Variants in SEMA4D observed in about 807,000 individuals in gnomAD.
SEMA4D encodes semaphorin 4D.
In SEMA4D, 22 loss-of-function variants were observed where a neutral mutation model predicts 74.8. That is an observed-to-expected ratio of 0.29 (90% confidence interval 0.21 to 0.42). SEMA4D has a LOEUF of 0.42. Ranked by LOEUF, SEMA4D falls within the 10% of genes least tolerant of loss-of-function variation. The pLI, the probability that SEMA4D is intolerant of heterozygous loss-of-function variation, is 1.00. For missense variants in SEMA4D, 937 were observed against 1,118.4 expected, an observed-to-expected ratio of 0.84 and a Z score of 2.31; for synonymous variants, 445 against 463.7, an observed-to-expected ratio of 0.96 and a Z score of 0.52.
chr9:89,385,866 G>GGGGGGGGGGGCGCCCC, intron 13 of SEMA4D: 1 of 196,226 alleles, frequency 5.1e-6, no homozygotes, highest in Non-Finnish European at 9.0e-6. Flanking sequence ...CAGCGTGGAT[G>GGGGGGGGGGGCGCCCC]CCCGCCCACC....
chr9:89,487,036 TTGATACCAATATAAAATACAG>T (rs1166310722), intron 1 of SEMA4D, among the ~76,000 whole-genome samples: 1 of 152,010 alleles, frequency 6.6e-6, no homozygotes, highest in African/African-American at 2.4e-5. Flanking sequence ...AAACTTTACT[TTGATACCAATATAAAATACAG>T]TACCAGAAAA....
chr9:89,438,009 A>G (rs1850833798), intron 2 of SEMA4D, among the ~76,000 whole-genome samples: 1 of 152,224 alleles, frequency 6.6e-6, no homozygotes, highest in South Asian at 2.1e-4. Context: ...CTACAGGGGT[A>G]GGGATAGAAG....
At chr9:89,474,180 A>G (rs1588141899) in intron 1 of SEMA4D, among the ~76,000 whole-genome samples, 1 of 152,174 alleles carries the variant, frequency 6.6e-6, no homozygotes, top group African/African-American at 2.4e-5. Context: ...ACCTCCCTCC[A>G]AAGATGTCCA....
chr9:89,443,866 G>A (rs1036549628), intron 2 of SEMA4D, among the ~76,000 whole-genome samples: 1 of 152,338 alleles, frequency 6.6e-6, no homozygotes, highest in East Asian at 1.9e-4. Flanking sequence ...TGGAGACTGC[G>A]AGGTGCCAGC....
chr9:89,465,470 G>A (rs914630649), intron 1 of SEMA4D, among the ~76,000 whole-genome samples: 3 of 152,242 alleles, frequency 2.0e-5, no homozygotes, highest in African/African-American at 7.2e-5. Context: ...CTGGGGGAAT[G>A]GGGATGGATT....
intron 1 of SEMA4D, among the ~76,000 whole-genome samples, chr9:89,461,045 C>T (rs1338415817): frequency 6.6e-6 from 1 of 152,200 alleles, no homozygotes; most frequent in Non-Finnish European, 1.5e-5. Context: ...TCAGCACACT[C>T]ATGAAGCCCC....
intron 1 of SEMA4D, among the ~76,000 whole-genome samples, chr9:89,488,316 T>C (rs566992197): frequency 2.0e-5 from 3 of 150,310 alleles, no homozygotes; most frequent in African/African-American, 7.2e-5. Flanking sequence ...TCCTTAGCTC[T>C]TTCCATTAAA....
intron 2 of SEMA4D, among the ~76,000 whole-genome samples, chr9:89,454,729 C>T (rs973928081): frequency 1.3e-5 from 2 of 152,192 alleles, no homozygotes; most frequent in Admixed American, 6.5e-5. Flanking sequence ...CAGGGTGAGT[C>T]CCCCAGAGCC....
intron 16 of SEMA4D, chr9:89,369,200 C>T (rs767301069): frequency 4.6e-5 from 7 of 152,246 alleles, no homozygotes; most frequent in Non-Finnish European, 1.0e-4. Context: ...GGAACACACA[C>T]ATGCGTGCCA....
chr9:89,385,695 G>T, intron 13 of SEMA4D: 1 of 500,258 alleles, frequency 2.0e-6, no homozygotes, highest in Non-Finnish European at 2.6e-6. Flanking sequence ...TTGCAAATAC[G>T]CACCTGCCAA....
In SEMA4D at chr9:89,386,395, A is replaced by G; in HGVS notation, c.1418T>C (p.Val473Ala). 6.2e-7 allele frequency: 1 copy of G among 1,613,918 alleles called. No homozygotes were observed. Among genetic ancestry groups the G allele is most frequent in the Non-Finnish European group, 8.5e-7 (1 of 1,179,848 alleles). ...CTTTGAAGACAGCAGCAGGGTCTGG[A>G]CTGGCTCAAAGTCCTGGAAGAGCTG... The part of the protein sequence containing the change: ...ETQLFQDFEP[V>A]QTLLLSSKKG... The change falls in exon 13 of 16, where the codon GTC becomes GCC. Residue 473 changes from valine (V) to alanine (A), a missense_variant. Physicochemically the swap from Val to Ala is moderately conservative, Grantham distance 64. Transcript: ENST00000422704.
chr9:89,420,306 T>C (rs181832226), intron 2 of SEMA4D, among the ~76,000 whole-genome samples: 9 of 152,370 alleles, frequency 5.9e-5, no homozygotes, highest in African/African-American at 2.2e-4. Flanking sequence ...AACCCCACAG[T>C]TATGAGTTAC....
intron 1 of SEMA4D, among the ~76,000 whole-genome samples, chr9:89,480,355 C>T (rs1210234722): frequency 6.6e-6 from 1 of 152,266 alleles, no homozygotes; most frequent in South Asian, 2.1e-4. Context: ...GCTGGTTTCA[C>T]CTAGTGGATC....
chr9:89,480,372 C>T (rs1426373701), intron 1 of SEMA4D, among the ~76,000 whole-genome samples: 9 of 152,258 alleles, frequency 5.9e-5, no homozygotes, highest in East Asian at 1.9e-4. Flanking sequence ...GATCCCGCAC[C>T]GGGGCTGCAG....
In SEMA4D at chr9:89,379,489, C is replaced by G; in HGVS notation, c.1804G>C (p.Gly602Arg). Residue 602 changes from glycine (G) to arginine (R), a missense_variant, in exon 16 of 16, where the codon GGT becomes CGT. By Grantham distance (125) the Gly-to-Arg change is moderately radical. Transcript: ENST00000422704. The stretch of plus-strand genomic sequence containing the variant: ...AGCAAGTTTTTTCTGCCCATAAGAC[C>G]GTACTTGGGGCTCTCGGCCTTCAAC... ...GVLKAESPKY[G>R]LMGRKNLLIF... is the part of the protein sequence containing the mutation. 1 of 1,614,150 alleles carries G rather than the reference C, an allele frequency of 6.2e-7. No individual in the cohort carries two copies. Among genetic ancestry groups the G allele is most frequent in the Non-Finnish European group, 8.5e-7 (1 of 1,180,026 alleles).
rs1156945671 is a variant in SEMA4D at position 89,395,420 on chromosome 9, G to A, written c.414+1317C>T. Among the ~76,000 whole-genome samples, 140 of 146,260 alleles carry A rather than the reference G, an allele frequency of 9.6e-4. 1 individual carries two copies. Among genetic ancestry groups the A allele is most frequent in the African/African-American group, 3.4e-3 (132 of 39,322 alleles). On this transcript the variant is annotated intron_variant, in intron 6 of 15. Transcript: ENST00000422704. ...GCCTGGGCAACAAGAGTGAAACTCC[G>A]TCTCAAAAAAAAAAAAAAATTAGGA...
rs371783955 is a variant in SEMA4D, at chr9:89,393,533, G to C, written c.508+29C>G. ...ATTAACATGCCACTGTAATCTTCAC[G>C]GTGAAGGAACTGGAGGGGCAGGACT... On this transcript the variant is annotated intron_variant, in intron 7 of 15. Transcript: ENST00000422704. 11 of 1,550,924 alleles carry C rather than the reference G, an allele frequency of 7.1e-6. No homozygotes were observed. The South Asian group carries it at 8.9e-5, about 13-fold the overall frequency.
chr9:89,429,002 G>C (rs551824500), intron 2 of SEMA4D, among the ~76,000 whole-genome samples: 15 of 151,732 alleles, frequency 9.9e-5, no homozygotes, highest in African/African-American at 2.4e-4. Context: ...GGTCCCTGTG[G>C]GGGGGGTCTC....
rs1825669640 is a variant in SEMA4D at position 89,492,022 on chromosome 9, C to T, written c.-310+5897G>A. On this transcript the variant is annotated intron_variant, in intron 1 of 15. Coordinates refer to ENST00000422704, the MANE Select transcript of SEMA4D (RefSeq NM_001371194.2). The surrounding 1 kb of genome is among the most constrained non-coding windows in gnomAD (Gnocchi z 4.3). Reference sequence around the variant, plus strand: ...CCATCCTTCTCTTCAGGATGCAACCCTTCCAAGCGGGCCTCCCTCAGCCCT... The same window carrying T: ...CCATCCTTCTCTTCAGGATGCAACCTTTCCAAGCGGGCCTCCCTCAGCCCT... Among the ~76,000 whole-genome samples, 1 of 152,196 alleles carries T rather than the reference C, an allele frequency of 6.6e-6. No individual in the cohort carries two copies. Among genetic ancestry groups the T allele is most frequent in the African/African-American group, 2.4e-5 (1 of 41,430 alleles).
Sources: gnomAD v4.1 joint callset for allele counts (sites outside exome capture counted in the v4.1 genomes callset) on GRCh38, gnomAD v4.1.1 for gene constraint, Gnocchi (gnomAD v3.1) non-coding constraint, MANE v1.5 for transcripts, NCBI Gene and HGNC (gene_info 2026-07-23, HGNC 2026-07-21) for gene names.